DEPTOR: variants seen among roughly 807,000 people sequenced by gnomAD.
DEPTOR encodes DEP domain containing MTOR interacting protein, also known as DEP domain-containing mTOR-interacting protein.
DEPTOR carries 41 observed loss-of-function variants against 41.6 expected under a neutral mutation model. The ratio of observed to expected loss-of-function variants is 0.98; its 90% CI spans 0.77 to 1.28. The LOEUF (loss-of-function observed/expected upper bound fraction) is 1.28. Ranked by LOEUF, DEPTOR falls within the 50% of genes most tolerant of loss-of-function variation. The pLI is 0.00. For synonymous variants in DEPTOR, 195 were observed against 192.3 expected, an observed-to-expected ratio of 1.01 and a Z score of -0.12; for missense variants, 514 against 527.9, an observed-to-expected ratio of 0.97 and a Z score of 0.26.
At chr8:120,002,794 ATAT>A (rs1812373139) in intron 5 of DEPTOR, among the ~76,000 whole-genome samples, 180 bp from the exon 6 acceptor site, 4 of 102,756 alleles carry the variant, frequency 3.9e-5, no homozygotes, top group Admixed American at 2.1e-4. Context: ...AAAAAAAAAT[ATAT>A]ATATATATAT....
intron 3 of DEPTOR, among the ~76,000 whole-genome samples, chr8:119,931,160 G>A (rs1165817355): frequency 3.3e-5 from 5 of 152,028 alleles, no homozygotes; most frequent in Non-Finnish European, 7.4e-5. Flanking sequence ...GCAGTGAGCC[G>A]GGATCACGTT....
chr8:120,030,514 T>G (rs1480888641), intron 8 of DEPTOR, among the ~76,000 whole-genome samples: 4 of 131,744 alleles, frequency 3.0e-5, no homozygotes, highest in East Asian at 4.5e-4. Flanking sequence ...TTTTTTTTTT[T>G]TTTTTTTTTT....
intron 8 of DEPTOR, among the ~76,000 whole-genome samples, chr8:120,039,717 G>A (rs902356727): frequency 1.3e-5 from 2 of 152,044 alleles, no homozygotes; most frequent in South Asian, 2.1e-4. Flanking sequence ...TATTATCTCC[G>A]ATAATGGTTC....
chr8:120,028,694 C>T (rs992487940), intron 8 of DEPTOR, among the ~76,000 whole-genome samples: 7 of 151,654 alleles, frequency 4.6e-5, no homozygotes, highest in African/African-American at 1.7e-4. Context: ...AACTCCTGAC[C>T]TCAAGTGATC....
intron 1 of DEPTOR, among the ~76,000 whole-genome samples, chr8:119,913,485 T>C (rs1343741744): frequency 6.6e-6 from 1 of 152,334 alleles, no homozygotes. Context: ...CTACTTAGTG[T>C]CAGTCTATAG....
At chr8:119,961,849 G>C (rs1828496863) in intron 3 of DEPTOR, among the ~76,000 whole-genome samples, 1 of 152,112 alleles carries the variant, frequency 6.6e-6, no homozygotes, top group Admixed American at 6.6e-5. Context: ...GAGACAGCCA[G>C]ACTTTCATAT....
chr8:120,026,752 T>C lies in DEPTOR; in HGVS notation c.1101+17619T>C, dbSNP rs73705894. On this transcript the variant is annotated intron_variant, in intron 8 of 8. Transcript: ENST00000286234. ...AATCTGGTCACTCCTGACCATGCTG[T>C]TAAGTAAGTTGTATGAAATAGACTC... Among the ~76,000 whole-genome samples the C allele has an allele frequency of 3.3e-3, 507 of 152,328 alleles. 5 individuals carry two copies. The highest frequency in any genetic ancestry group is 0.012 in the African/African-American group (487 of 41,586).
intron 1 of DEPTOR, among the ~76,000 whole-genome samples, chr8:119,876,842 A>G (rs749164522): frequency 3.9e-5 from 6 of 152,194 alleles, no homozygotes; most frequent in Non-Finnish European, 8.8e-5. Context: ...GAAAAAGACA[A>G]TGAAGATGAA....
intron 5 of DEPTOR, 67 bp downstream of exon 5, chr8:120,001,777 C>T (rs1812355317): frequency 6.6e-7 from 1 of 1,506,584 alleles, no homozygotes. Context: ...AGCCATGACT[C>T]ACCTTTGTGA....
intron 4 of DEPTOR, among the ~76,000 whole-genome samples, chr8:119,970,110 T>G (rs188261417): frequency 0.013 from 2,039 of 152,192 alleles, 41 homozygotes; most frequent in African/African-American, 0.046. Flanking sequence ...TTTATGTGGA[T>G]ATATATATAT....
chr8:119,965,796 C>A (rs1385282345), intron 4 of DEPTOR, among the ~76,000 whole-genome samples: 4 of 152,222 alleles, frequency 2.6e-5, no homozygotes, highest in Admixed American at 1.3e-4. Flanking sequence ...TGGATGCCTC[C>A]CAGAAGGTTG....
At chr8:119,889,646 GGAGGAT>G (rs1827424332) in intron 1 of DEPTOR, among the ~76,000 whole-genome samples, 1 of 103,496 alleles carries the variant, frequency 9.7e-6, no homozygotes, top group Non-Finnish European at 2.0e-5. Flanking sequence ...GGAGGGGAGG[GGAGGAT>G]GGGGAGGGGA....
intron 1 of DEPTOR, among the ~76,000 whole-genome samples, chr8:119,920,095 T>G (rs1519809): frequency 0.33 from 32,906 of 98,740 alleles, 4,057 homozygotes; most frequent in African/African-American, 0.51. Context: ...AATAGGAAGG[T>G]TTTTTTTTTC....
intron 2 of DEPTOR, among the ~76,000 whole-genome samples, chr8:119,928,996 A>T (rs1828005298): frequency 6.6e-6 from 1 of 152,176 alleles, no homozygotes; most frequent in Non-Finnish European, 1.5e-5. Flanking sequence ...AGAAGTGCAT[A>T]TTTATGCTTT....
At position 120,001,545 on chromosome 8, in the gene DEPTOR, G is replaced by GTGGACAGCACAA; in HGVS notation, c.634_635insCAATGGACAGCA (p.Ser211_Asn212insThrMetAspSer). 6.2e-7 allele frequency: 1 copy of GTGGACAGCACAA among 1,609,692 alleles called. No individual in the cohort carries two copies. Among genetic ancestry groups the GTGGACAGCACAA allele is most frequent in the Non-Finnish European group, 8.5e-7 (1 of 1,177,842 alleles). ...CCCAGTGTCCAACAAGCACCCATTT[G>GTGGACAGCACAA]TGGACAGCAATCTTCTCTACCAGTT... On this transcript the variant is annotated inframe_insertion, in exon 5 of 9. Coordinates refer to ENST00000286234, the MANE Select transcript of DEPTOR (RefSeq NM_022783.4).
In DEPTOR at chr8:119,883,423, C is replaced by T. The variant is rs1426368109; in HGVS notation, c.122+9455C>T. On this transcript the variant is annotated intron_variant, in intron 1 of 8. Transcript: ENST00000286234. ...CCGGGAGGTGGAGGTTGCAGTTAGC[C>T]GAGATCGCGCCACTGCACTCCAGCC... 4.2e-5 allele frequency among the ~76,000 whole-genome samples: 6 copies of T among 142,454 alleles called. No individual in the cohort carries two copies. The South Asian group carries it at 1.1e-3, about 26-fold the overall frequency. The allele number at this position is 142,454 out of a possible 152,430, so 93.5% of individuals were successfully genotyped here. A position where few individuals can be genotyped will look rare whatever the true frequency, so the allele number is the denominator to read the frequency against.
chr8:119,970,462 G>C (rs2129985234), intron 4 of DEPTOR, among the ~76,000 whole-genome samples: 1 of 152,284 alleles, frequency 6.6e-6, no homozygotes, highest in East Asian at 1.9e-4. Flanking sequence ...CTTGGTCTGG[G>C]ATGTGACTGG....
chr8:120,035,255 G>A (rs533132562), intron 8 of DEPTOR, among the ~76,000 whole-genome samples: 8 of 152,260 alleles, frequency 5.3e-5, no homozygotes, highest in African/African-American at 1.7e-4. Context: ...GGGAGGCAGA[G>A]GTTGCAGTGA....
At position 119,928,433 on chromosome 8, in the gene DEPTOR, T is replaced by C. The variant is rs1404934926; in HGVS notation, c.156T>C (p.Asp52=). Residue 52 remains aspartate, a synonymous_variant, in exon 2 of 9, where the codon GAT becomes GAC. Transcript: ENST00000286234. ...TGCACGAAGAAAAGGTTATTAAAGA[T>C]AGACGTCATCATCTCAAGACCTACC... ...LRLHEEKVIK[D]RRHHLKTYPN... is the part of the protein sequence containing the mutation. The C allele has an allele frequency of 6.2e-7, 1 of 1,614,056 alleles. No homozygotes were observed. The highest frequency in any genetic ancestry group is 8.5e-7 in the Non-Finnish European group (1 of 1,179,962).
Sources: gnomAD v4.1 joint callset for allele counts (sites outside exome capture counted in the v4.1 genomes callset) on GRCh38, gnomAD v4.1.1 for gene constraint, MANE v1.5 for transcripts, NCBI Gene and HGNC (gene_info 2026-07-23, HGNC 2026-07-21) for gene names.